UBAP1: variants seen among roughly 807,000 people sequenced by gnomAD.
UBAP1 encodes the protein ubiquitin associated protein 1.
Under a neutral mutation model 39.0 loss-of-function variants are expected in UBAP1, and 5 were observed. The ratio of observed to expected loss-of-function variants is 0.13; its 90% CI spans 0.07 to 0.27. UBAP1 has a LOEUF of 0.27. Ranked by LOEUF, UBAP1 falls within the 10% of genes least tolerant of loss-of-function variation. The pLI is 1.00. For missense variants in UBAP1, 490 were observed against 608.1 expected (o/e 0.81, Z 2.04); for synonymous variants, 211 against 225.1 (o/e 0.94, Z 0.56).
intron 1 of UBAP1, among the ~76,000 whole-genome samples, chr9:34,207,393 A>T (rs981122100): frequency 7.1e-6 from 1 of 140,428 alleles, no homozygotes; most frequent in Non-Finnish European, 1.6e-5. Flanking sequence ...TTGTCTAATT[A>T]AAAAAAAAAA....
intron 4 of UBAP1, among the ~76,000 whole-genome samples, chr9:34,244,464 C>T (rs1834125963): frequency 1.5e-5 from 1 of 68,132 alleles, no homozygotes; most frequent in African/African-American, 6.0e-5. Flanking sequence ...TCACTTTACT[C>T]TTTTTTTTTT....
intron 1 of UBAP1, among the ~76,000 whole-genome samples, chr9:34,182,224 G>T (rs1830083668): frequency 1.4e-5 from 2 of 147,780 alleles, no homozygotes; most frequent in South Asian, 4.3e-4. Flanking sequence ...TCGCACTGTT[G>T]CCCAGGCTGG....
intron 1 of UBAP1, among the ~76,000 whole-genome samples, chr9:34,212,919 A>G (rs1451580391): frequency 2.0e-5 from 3 of 152,226 alleles, no homozygotes; most frequent in South Asian, 2.1e-4. Flanking sequence ...ACAGACTAAT[A>G]TCCTTGATGA....
intron 1 of UBAP1, among the ~76,000 whole-genome samples, chr9:34,184,422 G>A (rs1193512860): frequency 2.6e-5 from 4 of 151,310 alleles, no homozygotes; most frequent in Admixed American, 2.0e-4. Context: ...ACAAGGTCAG[G>A]AGATCGAGAC....
chr9:34,212,260 T>C (rs1354384405), intron 1 of UBAP1, among the ~76,000 whole-genome samples: 1 of 152,024 alleles, frequency 6.6e-6, no homozygotes, highest in Non-Finnish European at 1.5e-5. Flanking sequence ...TTTTAAAATT[T>C]ATAATTATTG....
chr9:34,196,028 A>G (rs1831033523), intron 1 of UBAP1, among the ~76,000 whole-genome samples: 1 of 129,446 alleles, frequency 7.7e-6, no homozygotes, highest in Non-Finnish European at 1.5e-5. Flanking sequence ...TGATCCTCCT[A>G]CCTCAGTCTC....
At chr9:34,231,481 T>A (rs1353263380) in intron 2 of UBAP1, among the ~76,000 whole-genome samples, 1 of 151,956 alleles carries the variant, frequency 6.6e-6, no homozygotes, top group African/African-American at 2.4e-5. Context: ...AGTTCTGGGA[T>A]TACAGGCGTG....
intron 1 of UBAP1, among the ~76,000 whole-genome samples, chr9:34,199,618 TTTC>T (rs138479928): frequency 0.2 from 30,049 of 151,280 alleles, 3,518 homozygotes; most frequent in Non-Finnish European, 0.27. Context: ...CCTGTTTTTC[TTTC>T]TTCTTCTTTT....
intron 1 of UBAP1, among the ~76,000 whole-genome samples, chr9:34,205,687 A>T (rs1168570916): frequency 2.0e-5 from 3 of 152,174 alleles, no homozygotes; most frequent in African/African-American, 7.2e-5. Flanking sequence ...AATTAGCTGC[A>T]GATCTTAAGA....
intron 1 of UBAP1, among the ~76,000 whole-genome samples, chr9:34,193,861 C>A (rs1830871012): frequency 6.6e-6 from 1 of 152,100 alleles, no homozygotes; most frequent in South Asian, 2.1e-4. Flanking sequence ...TGCCTTCTCT[C>A]AGGGTATAGG....
At chr9:34,212,668 G>A (rs1446391321) in intron 1 of UBAP1, among the ~76,000 whole-genome samples, 1 of 151,966 alleles carries the variant, frequency 6.6e-6, no homozygotes, top group African/African-American at 2.4e-5. Flanking sequence ...GGAGGAATTG[G>A]ATACCCTGAA....
Position 34,241,339 on chromosome 9 carries a change from C to T in UBAP1, c.314C>T (p.Ser105Phe). Residue 105 changes from serine (S) to phenylalanine (F), a missense_variant, in exon 4 of 7, where the codon TCC becomes TTC. Around this residue, in one of 3 missense-constraint regions of UBAP1, gnomAD observed 144 missense variants for 184.4 expected, o/e 0.78. Transcript: ENST00000297661. Reference protein sequence around the residue: ...GPEGDSKMSFSKTHSTATMPP... With the variant: ...GPEGDSKMSFFKTHSTATMPP... The stretch of plus-strand genomic sequence containing the variant: ...GAGGGCGATAGCAAAATGAGCTTCT[C>T]CAAGACTCACAGTACAGCCACAATG... 6.6e-7 allele frequency: 1 copy of T among 1,523,380 alleles called. No homozygotes were observed. The highest frequency in any genetic ancestry group is 1.3e-5 in the South Asian group (1 of 75,702). The allele number at this position is 1,523,380 out of a possible 1,614,324, so 94.4% of individuals were successfully genotyped here.
chr9:34,190,944 A>G (rs1830684486), intron 1 of UBAP1, among the ~76,000 whole-genome samples: 1 of 151,812 alleles, frequency 6.6e-6, no homozygotes, highest in Non-Finnish European at 1.5e-5. Flanking sequence ...CACAGTGCCC[A>G]GCCTGCTCTG....
At chr9:34,213,504 C>G (rs1434316058) in intron 1 of UBAP1, among the ~76,000 whole-genome samples, 1 of 152,106 alleles carries the variant, frequency 6.6e-6, no homozygotes, top group African/African-American at 2.4e-5. Flanking sequence ...GAGCGAGACT[C>G]TGTCTCAAAA....
At chr9:34,220,204 G>C in intron 1 of UBAP1, among the ~76,000 whole-genome samples, 1 of 115,086 alleles carries the variant, frequency 8.7e-6, no homozygotes, top group Non-Finnish European at 1.8e-5. Flanking sequence ...ACAGGCTAGA[G>C]TTCAGTGGCA....
intron 3 of UBAP1, among the ~76,000 whole-genome samples, chr9:34,236,849 C>T (rs1489552943): frequency 6.6e-6 from 1 of 151,938 alleles, no homozygotes; most frequent in African/African-American, 2.4e-5. Flanking sequence ...CTAACCAGTC[C>T]TTATTGAGTA....
At chr9:34,211,977 A>C (rs1832043368) in intron 1 of UBAP1, 1 of 420,650 alleles carries the variant, frequency 2.4e-6, no homozygotes, top group Admixed American at 2.7e-5. Context: ...TGGGATTTCT[A>C]AGTTTTATTA....
In UBAP1 at chr9:34,251,444, T is replaced by A; in HGVS notation, c.1421T>A (p.Leu474Gln). 6.2e-7 allele frequency: 1 copy of A among 1,614,168 alleles called. No individual in the cohort carries two copies. The highest frequency in any genetic ancestry group is 1.1e-5 in the South Asian group (1 of 91,080). ...AAATTTAAGGAGATGGGCTTTGAGC[T>A]GAAAGACATTAAGGAAGTTTTGCTA... ...MSKFKEMGFE[L>Q]KDIKEVLLLH... The change falls in exon 7 of 7, where the codon CTG becomes CAG. Residue 474 changes from leucine to glutamine, a missense_variant. Coordinates refer to ENST00000297661, the MANE Select transcript of UBAP1 (RefSeq NM_016525.5).
intron 2 of UBAP1, among the ~76,000 whole-genome samples, chr9:34,232,559 A>G (rs143996232): frequency 1.7e-3 from 260 of 152,290 alleles, no homozygotes; most frequent in African/African-American, 6.1e-3. Flanking sequence ...GATGGAAAAG[A>G]CACCCATTCC....
Sources: gnomAD v4.1 joint callset for allele counts (sites outside exome capture counted in the v4.1 genomes callset) on GRCh38, gnomAD v4.1.1 for gene constraint, gnomAD v4.1.1 regional missense constraint, MANE v1.5 for transcripts, NCBI Gene and HGNC (gene_info 2026-07-23, HGNC 2026-07-21) for gene names.